TNIK: variants seen among roughly 807,000 people sequenced by gnomAD.
TNIK encodes TRAF2 and NCK interacting kinase.
In TNIK, 49 loss-of-function variants were observed where a neutral mutation model predicts 191.3. The ratio of observed to expected loss-of-function variants is 0.26; its 90% CI spans 0.20 to 0.32. The LOEUF (loss-of-function observed/expected upper bound fraction) is 0.32. Ranked by LOEUF, TNIK falls within the 10% of genes least tolerant of loss-of-function variation. The probability of loss-of-function intolerance (pLI) is 1.00; values close to 1 mark genes in which losing one functional copy is unlikely to be tolerated. For missense variants in TNIK, 1,155 were observed against 1,702.3 expected, an observed-to-expected ratio of 0.68 and a Z score of 5.66; for synonymous variants, 594 against 600.9, an observed-to-expected ratio of 0.99 and a Z score of 0.17.
At chr3:171,348,586 G>A (rs925234034) in intron 2 of TNIK, among the ~76,000 whole-genome samples, 12 of 152,094 alleles carry the variant, frequency 7.9e-5, no homozygotes, top group Non-Finnish European at 1.2e-4. Context: ...TTAGGCCAAA[G>A]AAAATGTTTT....
At position 171,325,649 on chromosome 3, in the gene TNIK, G is replaced by A. The variant is rs1055689937; in HGVS notation, c.123+43971C>T. 2.6e-5 allele frequency among the ~76,000 whole-genome samples: 4 copies of A among 152,132 alleles called. 1 individual carries two copies. Among genetic ancestry groups the A allele is most frequent in the African/African-American group, 9.7e-5 (4 of 41,414 alleles). The stretch of plus-strand genomic sequence containing the variant: ...ATCTGAAATTTAAATTTCATTGAGG[G>A]TGTTGTATTTTATCTGGCAACTTTA... On this transcript the variant is annotated intron_variant, in intron 2 of 32. Transcript: ENST00000436636.
In TNIK at chr3:171,059,521, GT is replaced by G. The variant is rs1450304617; in HGVS notation, c.*4359del. ...TAGAAATAAAAACAACCTAGAAAAT[GT>G]TTGGTAGGAATATACAAATTGTCAG... On this transcript the variant is annotated 3_prime_UTR_variant, in exon 33 of 33. Transcript: ENST00000436636. Among the ~76,000 whole-genome samples, 5 of 152,108 alleles carry G rather than the reference GT, an allele frequency of 3.3e-5. No homozygotes were observed. Among genetic ancestry groups the G allele is most frequent in the Non-Finnish European group, 5.9e-5 (4 of 67,996 alleles).
At chr3:171,433,992 C>G (rs1425502459) in intron 1 of TNIK, among the ~76,000 whole-genome samples, 1 of 117,860 alleles carries the variant, frequency 8.5e-6, no homozygotes, top group African/African-American at 3.3e-5. Flanking sequence ...GACACCCAGG[C>G]TGGAGTGCAG....
At chr3:171,420,235 C>T (rs1054502050) in intron 1 of TNIK, among the ~76,000 whole-genome samples, 1 of 152,100 alleles carries the variant, frequency 6.6e-6, no homozygotes, top group Admixed American at 6.6e-5. Flanking sequence ...AGAGTTGGTC[C>T]CTGCCTATAG....
At chr3:171,105,296 G>T (rs1045710986) in intron 21 of TNIK, among the ~76,000 whole-genome samples, 6 of 152,104 alleles carry the variant, frequency 3.9e-5, no homozygotes, top group African/African-American at 2.4e-5. Flanking sequence ...ATTCTTTATT[G>T]TAGGGAGTTC....
intron 13 of TNIK, 61 bp downstream of exon 13, chr3:171,140,338 G>C (rs1730635617): frequency 2.1e-6 from 3 of 1,396,726 alleles, no homozygotes; most frequent in Non-Finnish European, 2.9e-6. Flanking sequence ...CCACACCCCA[G>C]AGAAGGCTGG....
intron 31 of TNIK, 94 bp downstream of exon 31, chr3:171,066,482 T>A: frequency 6.6e-7 from 1 of 1,516,416 alleles, no homozygotes; most frequent in Non-Finnish European, 8.8e-7. Flanking sequence ...TTTTTTTTTT[T>A]TTTTGTGGAA....
At chr3:171,331,482 ATC>A (rs1756418272) in intron 2 of TNIK, among the ~76,000 whole-genome samples, 1 of 152,222 alleles carries the variant, frequency 6.6e-6, no homozygotes, top group Admixed American at 6.5e-5. Flanking sequence ...AGATGACTGC[ATC>A]TAAAACTCAT....
chr3:171,191,972 G>A (rs1452965828), intron 5 of TNIK, among the ~76,000 whole-genome samples: 1 of 151,850 alleles, frequency 6.6e-6, no homozygotes, highest in Non-Finnish European at 1.5e-5. Flanking sequence ...TTAATTTTTT[G>A]TGCTTTTCAT....
intron 2 of TNIK, among the ~76,000 whole-genome samples, chr3:171,292,775 C>CAAAAAAAAA (rs59314303): frequency 1.3e-4 from 11 of 85,040 alleles, no homozygotes; most frequent in East Asian, 4.3e-4. Context: ...GACTCCATCT[C>CAAAAAAAAA]AAAAAAAAAA....
intron 2 of TNIK, among the ~76,000 whole-genome samples, chr3:171,253,670 T>C (rs1233564798): frequency 8.4e-6 from 1 of 118,760 alleles, no homozygotes; most frequent in Non-Finnish European, 1.6e-5. Flanking sequence ...GACCCTACAA[T>C]AAATTGAAGT....
chr3:171,102,544 T>C (rs1216211238), intron 21 of TNIK, among the ~76,000 whole-genome samples: 2 of 152,172 alleles, frequency 1.3e-5, no homozygotes, highest in Non-Finnish European at 2.9e-5. Context: ...TGCAAAAGCA[T>C]GGCCGCTCTA....
intron 2 of TNIK, among the ~76,000 whole-genome samples, chr3:171,238,881 A>C (rs1262161325): frequency 6.6e-6 from 1 of 152,206 alleles, no homozygotes; most frequent in African/African-American, 2.4e-5. Context: ...CTTAAATCCC[A>C]AAAATGTATG....
intron 2 of TNIK, among the ~76,000 whole-genome samples, chr3:171,262,974 T>C (rs1220559217): frequency 6.6e-6 from 1 of 152,172 alleles, no homozygotes; most frequent in Non-Finnish European, 1.5e-5. Context: ...GCCCTTTTCA[T>C]AGTGCTGGAC....
At chr3:171,281,193 A>C (rs1750387444) in intron 2 of TNIK, among the ~76,000 whole-genome samples, 1 of 152,210 alleles carries the variant, frequency 6.6e-6, no homozygotes, top group Admixed American at 6.5e-5. Context: ...CCTCAAAAAA[A>C]AAAATGGCAG....
At chr3:171,309,817 A>G (rs1248952989) in intron 2 of TNIK, among the ~76,000 whole-genome samples, 4 of 152,128 alleles carry the variant, frequency 2.6e-5, no homozygotes, top group Non-Finnish European at 5.9e-5. Context: ...TAAAAAACTT[A>G]AACATCCTTA....
intron 5 of TNIK, among the ~76,000 whole-genome samples, chr3:171,193,777 A>G (rs1232017441): frequency 2.0e-5 from 3 of 152,246 alleles, no homozygotes; most frequent in Non-Finnish European, 2.9e-5. Context: ...AAGATTTAAT[A>G]AGAATGCTCA....
chr3:171,143,308 A>G (rs749477241), intron 12 of TNIK, among the ~76,000 whole-genome samples: 11 of 152,204 alleles, frequency 7.2e-5, no homozygotes, highest in Admixed American at 2.6e-4. Context: ...ATGGAGCCGT[A>G]TGAGGGAGGG....
intron 24 of TNIK, 140 bp from the exon 25 acceptor site, chr3:171,085,369 T>C: frequency 1.5e-6 from 1 of 652,926 alleles, no homozygotes; most frequent in Non-Finnish European, 2.3e-6. Context: ...CTCTAGTCAG[T>C]GCGTGCCTGT....
Sources: allele counts gnomAD v4.1 joint callset (sites outside exome capture counted in the v4.1 genomes callset), GRCh38; gene constraint gnomAD v4.1.1; transcripts MANE v1.5; gene names NCBI Gene and HGNC (gene_info 2026-07-23, HGNC 2026-07-21).